Variants in SPPL3 observed in about 807,000 individuals in gnomAD.
The protein encoded by SPPL3 is signal peptide peptidase like 3.
A neutral mutation model predicts 42.4 loss-of-function variants in SPPL3; 5 were observed. That is an observed-to-expected ratio of 0.12 (90% CI 0.06 to 0.25). SPPL3 has a LOEUF of 0.25. SPPL3 is among the 10% of genes least tolerant of loss of function. SPPL3 has a pLI of 1.00. For synonymous variants in SPPL3, 195 were observed against 181.8 expected (o/e 1.07, Z -0.58); for missense variants, 235 against 489.0 (o/e 0.48, Z 4.90).
intron 1 of SPPL3, among the ~76,000 whole-genome samples, chr12:120,827,500 T>C (rs1401279986): frequency 1.3e-5 from 2 of 152,140 alleles, no homozygotes; most frequent in African/African-American, 4.8e-5. Context: ...CTATCAGCTT[T>C]AGAGATGAGG....
intron 1 of SPPL3, among the ~76,000 whole-genome samples, chr12:120,853,019 C>T (rs1295861164): frequency 5.3e-5 from 8 of 151,342 alleles, no homozygotes; most frequent in African/African-American, 1.7e-4. Context: ...CTCAGCCTCC[C>T]GAGTAGCTGG....
intron 1 of SPPL3, among the ~76,000 whole-genome samples, chr12:120,892,635 T>C (rs1029914033): frequency 6.6e-6 from 1 of 152,056 alleles, no homozygotes; most frequent in Non-Finnish European, 1.5e-5. Context: ...TTGTAGAGGG[T>C]AGATTTTATA....
intron 1 of SPPL3, among the ~76,000 whole-genome samples, chr12:120,859,995 C>T (rs1872578478): frequency 6.6e-6 from 1 of 152,284 alleles, no homozygotes; most frequent in African/African-American, 2.4e-5. Flanking sequence ...AATCCCAGCA[C>T]TTTGGGAGGC....
intron 2 of SPPL3, among the ~76,000 whole-genome samples, chr12:120,810,087 T>C (rs994871804): frequency 2.0e-5 from 3 of 152,242 alleles, no homozygotes; most frequent in African/African-American, 4.8e-5. Context: ...ATCCTTCTTC[T>C]GCCTCAGTCT....
chr12:120,847,445 A>G (rs991032424), intron 1 of SPPL3, among the ~76,000 whole-genome samples: 1 of 152,106 alleles, frequency 6.6e-6, no homozygotes, highest in Non-Finnish European at 1.5e-5. Flanking sequence ...GGTGTGTGCC[A>G]CCACACCTGG....
At chr12:120,810,170 C>T (rs1009182735) in intron 2 of SPPL3, among the ~76,000 whole-genome samples, 8 of 152,032 alleles carry the variant, frequency 5.3e-5, no homozygotes, top group South Asian at 2.1e-4. Context: ...TTTGTAGAGA[C>T]GGGGTCTTGC....
chr12:120,903,726 A>ACC, intron 1 of SPPL3, 119 bp downstream of exon 1: 23 of 509,656 alleles, frequency 4.5e-5, no homozygotes, highest in South Asian at 1.6e-4. Context: ...GTGCACCCCA[A>ACC]CCCGCGCCCC....
intron 1 of SPPL3, chr12:120,845,342 C>T (rs898060390): frequency 8.5e-6 from 3 of 354,752 alleles, no homozygotes; most frequent in East Asian, 7.8e-5. Context: ...ATGAACTCCT[C>T]GCAGGCCTCA....
At chr12:120,799,791 A>G (rs76413125) in intron 2 of SPPL3, among the ~76,000 whole-genome samples, 2,494 of 152,284 alleles carry the variant, frequency 0.016, 28 homozygotes, top group South Asian at 0.068. Context: ...GGGAAGATTC[A>G]TATCTTCCAG....
intron 6 of SPPL3, among the ~76,000 whole-genome samples, chr12:120,780,575 C>T (rs563036201): frequency 7.0e-6 from 1 of 143,776 alleles, no homozygotes; most frequent in East Asian, 2.0e-4. Context: ...ATGAAGACAC[C>T]CTGTCTCTAT....
chr12:120,856,285 A>T (rs74357154), intron 1 of SPPL3, among the ~76,000 whole-genome samples: 1 of 144,658 alleles, frequency 6.9e-6, no homozygotes, highest in Non-Finnish European at 1.5e-5. Flanking sequence ...AATCTGAAAG[A>T]AAAAAAAAAA....
intron 1 of SPPL3, among the ~76,000 whole-genome samples, chr12:120,817,594 A>G (rs550233687): frequency 2.0e-5 from 3 of 152,236 alleles, no homozygotes; most frequent in African/African-American, 7.2e-5. Context: ...AACCCATGGG[A>G]AATTCTTCCC....
chr12:120,887,218 G>A (rs959262414), intron 1 of SPPL3, among the ~76,000 whole-genome samples: 2 of 151,996 alleles, frequency 1.3e-5, no homozygotes, highest in African/African-American at 2.4e-5. Flanking sequence ...AAAGTGCTGG[G>A]ATTACAGGCG....
At position 120,892,842 on chromosome 12, in the gene SPPL3, C is replaced by A. The variant is rs372492347; in HGVS notation, c.23+11003G>T. The stretch of plus-strand genomic sequence containing the variant: ...CTAAAAATACAAAAAATTAGCCGGG[C>A]ATGGTGGCAGGCGCCTGTAGTCCCA... On this transcript the variant is annotated intron_variant, in intron 1 of 10. Coordinates refer to ENST00000353487, the MANE Select transcript of SPPL3 (RefSeq NM_139015.5). 7.3e-5 allele frequency among the ~76,000 whole-genome samples: 11 copies of A among 151,634 alleles called. No individual in the cohort carries two copies. In the East Asian group the frequency reaches 1.6e-3, roughly 22 times the overall value.
At chr12:120,809,478 T>C (rs1313091006) in intron 2 of SPPL3, among the ~76,000 whole-genome samples, 1 of 152,248 alleles carries the variant, frequency 6.6e-6, no homozygotes, top group Non-Finnish European at 1.5e-5. Context: ...AAAATTCAGA[T>C]ATAACACTGC....
chr12:120,871,540 G>A (rs1469460674), intron 1 of SPPL3, among the ~76,000 whole-genome samples: 2 of 152,088 alleles, frequency 1.3e-5, no homozygotes, highest in African/African-American at 4.8e-5. Context: ...ATCATTTGAG[G>A]TCAGGAGTTC....
intron 6 of SPPL3, chr12:120,770,043 A>C (rs1413445478): frequency 6.6e-6 from 1 of 150,570 alleles, no homozygotes; most frequent in Non-Finnish European, 1.5e-5. Flanking sequence ...GACATAGTCC[A>C]CCCCACCACT....
chr12:120,784,284 A>C (rs1869639431), intron 4 of SPPL3, 190 bp downstream of exon 4: 1 of 486,874 alleles, frequency 2.1e-6, no homozygotes, highest in Non-Finnish European at 3.7e-6. Context: ...GTCTCAACAG[A>C]TGACGTGGAT....
At chr12:120,807,073 G>C (rs191822540) in intron 2 of SPPL3, among the ~76,000 whole-genome samples, 43 of 152,186 alleles carry the variant, frequency 2.8e-4, no homozygotes, top group Non-Finnish European at 4.4e-4. Context: ...AAAATTTATA[G>C]TTGCAAATCA....
Sources: gnomAD v4.1 joint callset for allele counts (sites outside exome capture counted in the v4.1 genomes callset) on GRCh38, gnomAD v4.1.1 for gene constraint, MANE v1.5 for transcripts, NCBI Gene and HGNC (gene_info 2026-07-23, HGNC 2026-07-21) for gene names.